The following ATP2C1 variants were observed in gnomAD, a reference collection of about 807,000 sequenced individuals.
ATP2C1 encodes the protein calcium-transporting ATPase type 2C member 1.
ATP2C1 carries 31 observed loss-of-function variants against 120.5 expected under a neutral mutation model. The observed-to-expected ratio is 0.26, with a 90% CI of 0.19 to 0.35. ATP2C1 has a LOEUF of 0.35. Among genes scored for constraint, ATP2C1 ranks in the 10% least tolerant of loss-of-function variants. The pLI, the probability that ATP2C1 is intolerant of heterozygous loss-of-function variation, is 1.00. For missense variants in ATP2C1, 731 were observed against 1,107.5 expected, an observed-to-expected ratio of 0.66 and a Z score of 4.83; for synonymous variants, 351 against 358.7, an observed-to-expected ratio of 0.98 and a Z score of 0.24.
rs2060571171 is a variant in ATP2C1 at position 130,956,124 on chromosome 3, G to A, written c.777G>A (p.Gln259=). The change falls in exon 11 of 28, where the codon CAG becomes CAA. Residue 259 remains glutamine (Q), a synonymous_variant. Coordinates refer to ENST00000510168, the MANE Select transcript of ATP2C1 (RefSeq NM_001378687.1). The stretch of plus-strand genomic sequence containing the variant: ...TCAAGGCACCAAAAACCCCTCTGCA[G>A]AAGAGCATGGACCTCTTAGGAAAAC... ...QAEEAPKTPL[Q]KSMDLLGKQL... The A allele has an allele frequency of 1.9e-6, 3 of 1,610,672 alleles. No homozygotes were observed. Among genetic ancestry groups the A allele is most frequent in the Non-Finnish European group, 2.5e-6 (3 of 1,177,170 alleles).
intron 20 of ATP2C1, among the ~76,000 whole-genome samples, chr3:130,992,639 G>A (rs538431484): frequency 6.6e-6 from 1 of 152,180 alleles, no homozygotes; most frequent in Non-Finnish European, 1.5e-5. Context: ...AGACGCAAGA[G>A]AATTTTTCCT....
At chr3:130,961,231 T>G (rs577759612) in intron 12 of ATP2C1, among the ~76,000 whole-genome samples, 1 of 127,814 alleles carries the variant, frequency 7.8e-6, no homozygotes, top group South Asian at 2.8e-4. Flanking sequence ...TGGATCATTT[T>G]TAGTTTTTGA....
chr3:130,877,854 C>T (rs1399389159), intron 1 of ATP2C1, among the ~76,000 whole-genome samples: 1 of 152,070 alleles, frequency 6.6e-6, no homozygotes. Context: ...TTTATTGCGG[C>T]ACTATTCACA....
intron 21 of ATP2C1, 56 bp from the exon 22 acceptor site, chr3:130,993,876 G>A: frequency 6.3e-7 from 1 of 1,588,178 alleles, no homozygotes; most frequent in Non-Finnish European, 8.6e-7. Context: ...GCTTTGTATG[G>A]AAGCAACATT....
chr3:130,981,145 G>A (rs531059275), intron 20 of ATP2C1, among the ~76,000 whole-genome samples: 1 of 152,180 alleles, frequency 6.6e-6, no homozygotes, highest in South Asian at 2.1e-4. Context: ...CCACAATCAA[G>A]ATATAGAACA....
At chr3:130,918,165 G>A (rs1050577415) in intron 2 of ATP2C1, 2 of 981,120 alleles carry the variant, frequency 2.0e-6, no homozygotes, top group Non-Finnish European at 1.6e-6. Flanking sequence ...GATTATCTGT[G>A]CCTAGATTAT....
chr3:130,882,358 C>G (rs180833649), intron 1 of ATP2C1, among the ~76,000 whole-genome samples: 1 of 152,130 alleles, frequency 6.6e-6, no homozygotes, highest in Middle Eastern at 3.4e-3. Flanking sequence ...CACCACCACA[C>G]CTGGCTAATT....
intron 26 of ATP2C1, among the ~76,000 whole-genome samples, chr3:131,009,922 G>T (rs903520179): frequency 5.3e-5 from 8 of 151,968 alleles, no homozygotes; most frequent in African/African-American, 1.9e-4. Context: ...TTTGAGTCAG[G>T]CACCACTGAA....
At chr3:130,876,339 A>T (rs1161876016) in intron 1 of ATP2C1, among the ~76,000 whole-genome samples, 1 of 152,084 alleles carries the variant, frequency 6.6e-6, no homozygotes, top group Non-Finnish European at 1.5e-5. Context: ...ATTCTTCTTT[A>T]ATATGAATAT....
chr3:130,957,195 A>G (rs748285111), intron 11 of ATP2C1, among the ~76,000 whole-genome samples: 2 of 152,162 alleles, frequency 1.3e-5, no homozygotes, highest in Non-Finnish European at 2.9e-5. Context: ...AGATTCTGTT[A>G]TCACCCTCCT....
chr3:130,948,463 T>A (rs2108508066), intron 8 of ATP2C1, among the ~76,000 whole-genome samples: 1 of 152,306 alleles, frequency 6.6e-6, no homozygotes, highest in East Asian at 1.9e-4. Flanking sequence ...GTGGCTGTTT[T>A]CAAGATTCTG....
At chr3:131,014,529 T>C in intron 26 of ATP2C1, 5 of 841,432 alleles carry the variant, frequency 5.9e-6, no homozygotes, top group South Asian at 2.1e-5. Context: ...TACTTAAGAA[T>C]AATCTGTTCT....
At chr3:130,964,295 C>A (rs1056437653) in intron 13 of ATP2C1, among the ~76,000 whole-genome samples, 200 bp downstream of exon 13, 1 of 152,012 alleles carries the variant, frequency 6.6e-6, no homozygotes, top group Non-Finnish European at 1.5e-5. Context: ...GAAGAGAAAT[C>A]TTTCTACATC....
chr3:130,962,621 A>G (rs1186179030), intron 12 of ATP2C1, among the ~76,000 whole-genome samples: 1 of 151,262 alleles, frequency 6.6e-6, no homozygotes, highest in Non-Finnish European at 1.5e-5. Flanking sequence ...TCCTCTGCAA[A>G]GTTTTGCTAA....
chr3:130,951,765 A>G (rs919819501), intron 8 of ATP2C1, among the ~76,000 whole-genome samples: 4 of 152,168 alleles, frequency 2.6e-5, no homozygotes, highest in Admixed American at 6.6e-5. Context: ...AAATCCTTTA[A>G]AGTCTAAATG....
At chr3:130,975,580 A>T in intron 18 of ATP2C1, 92 bp downstream of exon 18, 2 of 1,399,686 alleles carry the variant, frequency 1.4e-6, no homozygotes, top group Non-Finnish European at 9.9e-7. Flanking sequence ...GAGCTGTCCA[A>T]CTCACTTCCA....
intron 1 of ATP2C1, chr3:130,855,827 C>G (rs1259847908): frequency 6.6e-6 from 1 of 152,230 alleles, no homozygotes; most frequent in Non-Finnish European, 1.5e-5. Flanking sequence ...TCAACTTACA[C>G]TGCCCTTCAG....
chr3:130,968,172 T>G (rs1244005214), intron 16 of ATP2C1, among the ~76,000 whole-genome samples: 1 of 152,190 alleles, frequency 6.6e-6, no homozygotes, highest in Non-Finnish European at 1.5e-5. Flanking sequence ...ATATATAGTT[T>G]CCTTGGCAGA....
chr3:131,003,090 A>C lies in ATP2C1; in HGVS notation c.*1740A>C. 1 of 984,282 alleles carries C rather than the reference A, an allele frequency of 1.0e-6. No individual in the cohort carries two copies. Among genetic ancestry groups the C allele is most frequent in the African/African-American group, 1.7e-5 (1 of 57,328 alleles). 61.0% of individuals were successfully genotyped at this position (984,282 alleles called of 1,614,324 possible). ...GTTCAGATTATGACTTGATTGAAAT[A>C]AATGTGCCTATACATTCATTTGCTT... On this transcript the variant is annotated 3_prime_UTR_variant, in exon 28 of 28. Transcript: ENST00000510168.
Sources: allele counts gnomAD v4.1 joint callset (sites outside exome capture counted in the v4.1 genomes callset), GRCh38; gene constraint gnomAD v4.1.1; transcripts MANE v1.5; gene names NCBI Gene and HGNC (gene_info 2026-07-23, HGNC 2026-07-21).